MGA: variants seen among roughly 807,000 people sequenced by gnomAD.
MGA encodes the protein MAX dimerization protein MGA.
Under a neutral mutation model 261.1 loss-of-function variants are expected in MGA, and 40 were observed. The observed-to-expected ratio is 0.15, with a 90% CI of 0.12 to 0.20. MGA has a LOEUF of 0.20. Among genes scored for constraint, MGA ranks in the 10% least tolerant of loss-of-function variants. The pLI, the probability that MGA is intolerant of heterozygous loss-of-function variation, is 1.00. For synonymous variants in MGA, 1,302 were observed against 1,290.6 expected (o/e 1.01, Z -0.19); for missense variants, 3,397 against 3,630.5 (o/e 0.94, Z 1.65).
At chr15:41,684,065 A>G (rs937889690) in intron 2 of MGA, among the ~76,000 whole-genome samples, 12 of 152,052 alleles carry the variant, frequency 7.9e-5, no homozygotes, top group African/African-American at 2.9e-4. Context: ...GCCTATATGT[A>G]TGTTTATTAT....
At chr15:41,628,799 G>C (rs1030875471) in intron 1 of MGA, among the ~76,000 whole-genome samples, 4 of 152,182 alleles carry the variant, frequency 2.6e-5, no homozygotes, top group Non-Finnish European at 5.9e-5. Flanking sequence ...GCAGAAAAAT[G>C]ATACCTAATT....
chr15:41,678,535 G>A (rs2058501250), intron 2 of MGA, among the ~76,000 whole-genome samples: 1 of 150,630 alleles, frequency 6.6e-6, no homozygotes, highest in South Asian at 2.1e-4. Context: ...GGAGGCTGAG[G>A]CGGGCGGATC....
intron 1 of MGA, among the ~76,000 whole-genome samples, chr15:41,661,730 C>G (rs1246468572): frequency 6.6e-6 from 1 of 152,206 alleles, no homozygotes; most frequent in Non-Finnish European, 1.5e-5. Context: ...TGGTTAACAA[C>G]TGCTTGCTCT....
intron 1 of MGA, among the ~76,000 whole-genome samples, chr15:41,637,359 T>C (rs2056732072): frequency 6.6e-6 from 1 of 152,180 alleles, no homozygotes; most frequent in South Asian, 2.1e-4. Flanking sequence ...GACTTAATTG[T>C]CTGGACTTTG....
chr15:41,632,366 C>G (rs1256853326), intron 1 of MGA, among the ~76,000 whole-genome samples: 1 of 152,154 alleles, frequency 6.6e-6, no homozygotes, highest in African/African-American at 2.4e-5. Context: ...GTCATGTAGC[C>G]TGGGCATGCA....
At chr15:41,739,337 T>C (rs1595923420) in intron 13 of MGA, among the ~76,000 whole-genome samples, 1 of 152,180 alleles carries the variant, frequency 6.6e-6, no homozygotes, top group East Asian at 1.9e-4. Context: ...GAGATGAAAA[T>C]AGTATTTTCA....
intron 9 of MGA, among the ~76,000 whole-genome samples, chr15:41,725,829 C>T (rs530739046): frequency 6.8e-4 from 1 of 1,460 alleles, no homozygotes; most frequent in African/African-American, 1.7e-3. Context: ...AGCGAGACTC[C>T]GTCTCAAAAA....
In MGA at chr15:41,696,807, A is replaced by G; in HGVS notation, c.1797A>G (p.Val599=). ...TTAAGATTGCAACAGCCGCAAAGGT[A>G]GTGAATGCTAATCAGAATGCCTCTC... Residue 599 remains valine (V), a synonymous_variant, in exon 3 of 24, where the codon GTA becomes GTG. Coordinates refer to ENST00000219905, the MANE Select transcript of MGA (RefSeq NM_001164273.2). The G allele has an allele frequency of 6.2e-7, 1 of 1,602,574 alleles. No individual in the cohort carries two copies. Among genetic ancestry groups the G allele is most frequent in the Non-Finnish European group, 8.5e-7 (1 of 1,174,372 alleles).
intron 1 of MGA, among the ~76,000 whole-genome samples, chr15:41,622,861 A>G (rs1267224899): frequency 6.6e-6 from 1 of 152,228 alleles, no homozygotes; most frequent in Non-Finnish European, 1.5e-5. Flanking sequence ...TGTTTTCCAT[A>G]CCACTGCTTA....
At chr15:41,646,562 A>G (rs2056936739) in intron 1 of MGA, among the ~76,000 whole-genome samples, 1 of 151,870 alleles carries the variant, frequency 6.6e-6, no homozygotes, top group Admixed American at 6.6e-5. Context: ...GCCTCAAGTG[A>G]TCCACCCACC....
chr15:41,693,050 G>C (rs1315046642), intron 2 of MGA, among the ~76,000 whole-genome samples: 1 of 152,128 alleles, frequency 6.6e-6, no homozygotes, highest in East Asian at 1.9e-4. Flanking sequence ...GTTGCCCCCA[G>C]AGTGGTCTCA....
intron 2 of MGA, among the ~76,000 whole-genome samples, chr15:41,675,858 T>C (rs1200384732): frequency 6.6e-6 from 1 of 152,218 alleles, no homozygotes; most frequent in Admixed American, 6.5e-5. Flanking sequence ...GAAAAAATTA[T>C]ACTCCTTTAT....
intron 2 of MGA, among the ~76,000 whole-genome samples, chr15:41,682,501 G>A (rs1364501188): frequency 6.6e-6 from 1 of 151,562 alleles, no homozygotes; most frequent in Non-Finnish European, 1.5e-5. Flanking sequence ...ATTTTTTTGA[G>A]ATGGAATCTC....
Position 41,742,598 on chromosome 15 carries a change from T to C in MGA, c.4638T>C (p.Val1546=). 1 of 1,613,910 alleles carries C rather than the reference T, an allele frequency of 6.2e-7. No homozygotes were observed. Among genetic ancestry groups the C allele is most frequent in the Non-Finnish European group, 8.5e-7 (1 of 1,179,872 alleles). ...TCACACAGTTTGTGATGAGTAAAGTTGGAGCCTTGCAGCAGAAGATACCTG... is the reference window on the plus strand; with the variant it reads ...TCACACAGTTTGTGATGAGTAAAGTCGGAGCCTTGCAGCAGAAGATACCTG... Residue 1546 remains valine, a synonymous_variant, in exon 15 of 24, where the codon GTT becomes GTC. Coordinates refer to ENST00000219905, the MANE Select transcript of MGA (RefSeq NM_001164273.2).
chr15:41,736,539 A>G lies in MGA; in HGVS notation c.4275A>G (p.Lys1425=), dbSNP rs1344251395. The change falls in exon 13 of 24, where the codon AAA becomes AAG. Residue 1425 remains lysine, a synonymous_variant. Coordinates refer to ENST00000219905, the MANE Select transcript of MGA (RefSeq NM_001164273.2). ...CTGATGGTCCATTGTCCCCTGGGAA[A>G]ATGGAGGATATCTCTCCTGTGCAGA... 5 of 1,613,920 alleles carry G rather than the reference A, an allele frequency of 3.1e-6. No individual in the cohort carries two copies. The highest frequency in any genetic ancestry group is 4.2e-6 in the Non-Finnish European group (5 of 1,179,900).
chr15:41,742,635 C>A lies in MGA; in HGVS notation c.4675C>A (p.Pro1559Thr). 1 of 1,613,902 alleles carries A rather than the reference C, an allele frequency of 6.2e-7. No individual in the cohort carries two copies. The highest frequency in any genetic ancestry group is 8.5e-7 in the Non-Finnish European group (1 of 1,179,868). The change falls in exon 15 of 24, where the codon CCC becomes ACC. Residue 1559 changes from proline to threonine, a missense_variant. Pro to Thr is a conservative substitution (Grantham distance 38). This residue lies in a region of MGA where 1,410 missense variants were observed against 1,386.4 expected (regional missense o/e 1.02). Coordinates refer to ENST00000219905, the MANE Select transcript of MGA (RefSeq NM_001164273.2). ...GCAGAAGATACCTGGAGTTAGCACA[C>A]CCCAAACCCTGGCAGGGACACAGAA... is the stretch of plus-strand genomic sequence containing the variant.
chr15:41,716,861 T>G (rs1713182408), intron 9 of MGA, among the ~76,000 whole-genome samples: 1 of 152,154 alleles, frequency 6.6e-6, no homozygotes, highest in African/African-American at 2.4e-5. Context: ...TCTCAATGCA[T>G]AAAATCTCAG....
At chr15:41,748,955 C>T (rs767500133) in intron 16 of MGA, 28 bp downstream of exon 16, 1 of 1,603,914 alleles carries the variant, frequency 6.2e-7, no homozygotes. Context: ...ATGAACTTTT[C>T]TTTTGTTGAA....
intron 1 of MGA, among the ~76,000 whole-genome samples, chr15:41,664,160 G>C (rs963915518): frequency 6.6e-6 from 1 of 152,124 alleles, no homozygotes; most frequent in Non-Finnish European, 1.5e-5. Context: ...CAAATCATAA[G>C]TCAGAAGTTT....
Sources: gnomAD v4.1 joint callset for allele counts (sites outside exome capture counted in the v4.1 genomes callset) on GRCh38, gnomAD v4.1.1 for gene constraint, gnomAD v4.1.1 regional missense constraint, MANE v1.5 for transcripts, NCBI Gene and HGNC (gene_info 2026-07-23, HGNC 2026-07-21) for gene names.